TRPM3: variants seen among roughly 807,000 people sequenced by gnomAD.
TRPM3 encodes the protein long transient receptor potential channel 3.
TRPM3 carries 77 observed loss-of-function variants against 181.2 expected under a neutral mutation model. That is an observed-to-expected ratio of 0.42 (90% CI 0.35 to 0.51). TRPM3 has a LOEUF of 0.51. TRPM3 is among the 20% of genes least tolerant of loss of function. The probability of loss-of-function intolerance (pLI) is 0.01; values close to 1 mark genes in which losing one functional copy is unlikely to be tolerated. For synonymous variants in TRPM3, 745 were observed against 796.4 expected (o/e 0.94, Z 1.09); for missense variants, 1,759 against 2,196.7 (o/e 0.80, Z 3.98).
intron 1 of TRPM3, among the ~76,000 whole-genome samples, chr9:70,870,560 G>A (rs1385349103): frequency 6.6e-6 from 1 of 152,028 alleles, no homozygotes; most frequent in African/African-American, 2.4e-5. Context: ...CATCAGAGAT[G>A]TGAGCACACA....
intron 3 of TRPM3, among the ~76,000 whole-genome samples, chr9:70,862,080 T>A (rs908727541): frequency 1.6e-4 from 24 of 152,200 alleles, no homozygotes; most frequent in African/African-American, 5.3e-4. Flanking sequence ...ATGCTTCTTT[T>A]AGCAAAATTT....
intron 1 of TRPM3, among the ~76,000 whole-genome samples, chr9:70,958,534 A>G (rs1477163890): frequency 1.3e-5 from 2 of 152,058 alleles, no homozygotes; most frequent in Non-Finnish European, 2.9e-5. Context: ...ATGGCCAGTG[A>G]TGATGAGCAT....
intron 1 of TRPM3, among the ~76,000 whole-genome samples, chr9:71,286,944 T>TTATATTATATAATATAA (rs1371373784): frequency 3.2e-5 from 3 of 92,484 alleles, no homozygotes; most frequent in African/African-American, 1.4e-4. Flanking sequence ...ATATATATAA[T>TTATATTATATAATATAA]TTATATTTTA....
intron 21 of TRPM3, 41 bp downstream of exon 21, chr9:70,598,378 C>T: frequency 6.2e-7 from 1 of 1,601,878 alleles, no homozygotes; most frequent in Non-Finnish European, 8.5e-7. Context: ...ACCATTCCTC[C>T]TCTGAAAACT....
chr9:70,975,876 T>G (rs1168505272), intron 1 of TRPM3, among the ~76,000 whole-genome samples: 1 of 152,228 alleles, frequency 6.6e-6, no homozygotes, highest in Non-Finnish European at 1.5e-5. Flanking sequence ...GTCCCTCATC[T>G]GTAAGAAGGT....
intron 1 of TRPM3, among the ~76,000 whole-genome samples, chr9:71,329,323 A>T (rs2089950969): frequency 6.6e-6 from 1 of 152,220 alleles, no homozygotes; most frequent in Non-Finnish European, 1.5e-5. Flanking sequence ...TTTGTACAGT[A>T]TCTAAAATGA....
At chr9:70,621,364 GT>G in intron 14 of TRPM3, 91 bp from the exon 15 acceptor site, 1 of 943,182 alleles carries the variant, frequency 1.1e-6, no homozygotes, top group African/African-American at 1.7e-5. Flanking sequence ...TTTTTGTTTT[GT>G]TTTGTTTTGT....
At chr9:71,315,076 T>C (rs756869985) in intron 1 of TRPM3, among the ~76,000 whole-genome samples, 7 of 152,122 alleles carry the variant, frequency 4.6e-5, no homozygotes, top group Non-Finnish European at 1.0e-4. Context: ...GTGTAGAAAG[T>C]ATGAAACAGC....
At chr9:70,892,963 T>A (rs1346154369) in intron 1 of TRPM3, among the ~76,000 whole-genome samples, 1 of 152,194 alleles carries the variant, frequency 6.6e-6, no homozygotes, top group Non-Finnish European at 1.5e-5. Flanking sequence ...GAAAATACCA[T>A]CTACTCTACT....
At chr9:70,693,293 A>C (rs796397585) in intron 8 of TRPM3, among the ~76,000 whole-genome samples, 15 of 152,242 alleles carry the variant, frequency 9.9e-5, no homozygotes, top group African/African-American at 3.4e-4. Context: ...AAGCTTCTTT[A>C]TATATCTCAT....
chr9:71,158,705 C>T (rs546827530), intron 1 of TRPM3, among the ~76,000 whole-genome samples: 8 of 152,088 alleles, frequency 5.3e-5, no homozygotes, highest in African/African-American at 1.9e-4. Context: ...CATGGGGTGC[C>T]CAGATAGCTG....
intron 1 of TRPM3, among the ~76,000 whole-genome samples, chr9:71,117,678 A>G (rs952505207): frequency 7.9e-5 from 12 of 152,182 alleles, no homozygotes; most frequent in Non-Finnish European, 2.9e-5. Context: ...ACTTTTCCAG[A>G]ATATAATTTC....
In TRPM3 at chr9:71,042,024, C is replaced by T. The variant is rs371807893; in HGVS notation, c.177+79154G>A. Among the ~76,000 whole-genome samples, 16 of 152,228 alleles carry T rather than the reference C, an allele frequency of 1.1e-4. 1 individual carries two copies. In the South Asian group the frequency reaches 2.9e-3, roughly 28 times the overall value. On this transcript the variant is annotated intron_variant, in intron 1 of 25. Transcript: ENST00000677713. ...CTAGATGCTAATCAATACATACACA[C>T]ACACAGAACCTAATTTAATCCATCC...
At chr9:70,677,028 T>TC (rs1385546184) in intron 9 of TRPM3, among the ~76,000 whole-genome samples, 3 of 146,484 alleles carry the variant, frequency 2.0e-5, no homozygotes, top group African/African-American at 7.6e-5. Flanking sequence ...AAGAGATCTA[T>TC]CTCACACCTG....
intron 1 of TRPM3, among the ~76,000 whole-genome samples, chr9:71,413,040 T>A (rs1057392262): frequency 6.6e-6 from 1 of 151,634 alleles, no homozygotes; most frequent in East Asian, 1.9e-4. Flanking sequence ...TAGGTGGGAA[T>A]TGAACAATGA....
At chr9:70,643,052 A>T (rs4297092) in intron 9 of TRPM3, among the ~76,000 whole-genome samples, 32,789 of 152,096 alleles carry the variant, frequency 0.22, 4,562 homozygotes, top group African/African-American at 0.4. Flanking sequence ...TACTTGGAGT[A>T]AATTTATTAG....
At chr9:71,114,564 C>T (rs2071879772) in intron 1 of TRPM3, among the ~76,000 whole-genome samples, 1 of 152,148 alleles carries the variant, frequency 6.6e-6, no homozygotes, top group South Asian at 2.1e-4. Flanking sequence ...TTCTCTTCCT[C>T]CTCCTTTCTG....
At chr9:70,580,579 C>T (rs2055372162) in intron 22 of TRPM3, among the ~76,000 whole-genome samples, 1 of 152,146 alleles carries the variant, frequency 6.6e-6, no homozygotes, top group Admixed American at 6.5e-5. Context: ...TCCAGGCTGG[C>T]CCAGGGAGGA....
chr9:71,149,752 T>C (rs1357677053), intron 1 of TRPM3, among the ~76,000 whole-genome samples: 3 of 152,054 alleles, frequency 2.0e-5, no homozygotes, highest in Non-Finnish European at 2.9e-5. Flanking sequence ...GGCGGATGGA[T>C]CACTGGAGCC....
Sources: allele counts gnomAD v4.1 joint callset (sites outside exome capture counted in the v4.1 genomes callset), GRCh38; gene constraint gnomAD v4.1.1; transcripts MANE v1.5; gene names NCBI Gene and HGNC (gene_info 2026-07-23, HGNC 2026-07-21).